RS1: variants seen among roughly 807,000 people sequenced by gnomAD.
The protein encoded by RS1 is retinoschisin 1.
RS1 carries 2 observed loss-of-function variants against 20.8 expected under a neutral mutation model. The observed-to-expected ratio is 0.10, with a 90% confidence interval of 0.04 to 0.30. The LOEUF is 0.30. Among genes scored for constraint, RS1 ranks in the 10% least tolerant of loss-of-function variants. RS1 has a pLI of 1.00. For missense variants in RS1, 151 were observed against 189.8 expected (o/e 0.80, Z 1.20); for synonymous variants, 70 against 75.8 (o/e 0.92, Z 0.40).
At chrX:18,666,592 T>C (rs1047341291) in intron 1 of RS1, among the ~76,000 whole-genome samples, 3 of 111,449 alleles carry the variant, frequency 2.7e-5, no homozygotes, top group Non-Finnish European at 5.7e-5. Context: ...TTTCAAAGGC[T>C]CCCTCTGGTA....
chrX:18,658,450 T>C (rs1013144670), intron 1 of RS1, among the ~76,000 whole-genome samples: 11 of 110,905 alleles, frequency 9.9e-5, no homozygotes, highest in East Asian at 2.8e-4. Context: ...TCTGTGTTTT[T>C]TTTCTTTCTT....
At chrX:18,661,454 G>C (rs1382667025) in intron 1 of RS1, among the ~76,000 whole-genome samples, 1 of 111,782 alleles carries the variant, frequency 8.9e-6, no homozygotes, top group Non-Finnish European at 1.9e-5. Flanking sequence ...TTAGTTTGCC[G>C]TCTGTAGGCG....
At chrX:18,666,175 G>A (rs1302975645) in intron 1 of RS1, among the ~76,000 whole-genome samples, 1 of 111,133 alleles carries the variant, frequency 9.0e-6, no homozygotes, top group African/African-American at 3.3e-5. Context: ...GGAGTGGGTG[G>A]GGAGAATACA....
chrX:18,657,608 A>G (rs1449943805), intron 2 of RS1, 32 bp downstream of exon 2: 2 of 1,138,640 alleles, frequency 1.8e-6, no homozygotes, highest in East Asian at 3.0e-5. Context: ...AGTACTATGC[A>G]TGTACATTAC....
chrX:18,661,775 C>A, intron 1 of RS1, among the ~76,000 whole-genome samples: 1 of 112,084 alleles, frequency 8.9e-6, no homozygotes, highest in East Asian at 2.8e-4. Context: ...GCTCTTCCGC[C>A]GGCGCACTCC....
chrX:18,647,164 G>A (rs761278303), intron 4 of RS1, 27 bp downstream of exon 4: 1 of 1,204,690 alleles, frequency 8.3e-7, no homozygotes, highest in African/African-American at 1.8e-5. Flanking sequence ...AAAAGCACAT[G>A]AAAAAAAATC....
chrX:18,658,955 C>A (rs1243410677), intron 1 of RS1, among the ~76,000 whole-genome samples: 1 of 111,263 alleles, frequency 9.0e-6, no homozygotes, highest in Non-Finnish European at 1.9e-5. Context: ...AAATATCAAA[C>A]CACAATCAAA....
intron 3 of RS1, among the ~76,000 whole-genome samples, chrX:18,653,040 G>C (rs969170728): frequency 1.1e-4 from 12 of 112,415 alleles, no homozygotes; most frequent in African/African-American, 3.9e-4. Context: ...ATAGTGTTAT[G>C]CATAGATATT....
chrX:18,662,721 G>A (rs1602322312), intron 1 of RS1, among the ~76,000 whole-genome samples: 3 of 106,597 alleles, frequency 2.8e-5, no homozygotes, highest in Middle Eastern at 4.7e-3. Context: ...TCCGCCTCCC[G>A]GGTTCACACC....
chrX:18,640,965 G>A lies in RS1; in HGVS notation c.*1039C>T, dbSNP rs1927553257. ...CCCAGAGAGCTTTTCAGGAGCAGGC[G>A]CAGTTTGCGTATTGCAAGGCAGAGG... On this transcript the variant is annotated 3_prime_UTR_variant, in exon 6 of 6. Coordinates refer to ENST00000379984, the MANE Select transcript of RS1 (RefSeq NM_000330.4). 1 of 112,841 alleles carries A rather than the reference G, an allele frequency of 8.9e-6. No homozygotes were observed. Among genetic ancestry groups the A allele is most frequent in the South Asian group, 3.6e-4 (1 of 2,747 alleles). The allele number at this position is 112,841 out of a possible 1,213,427, so 9.3% of individuals were successfully genotyped here.
intron 1 of RS1, among the ~76,000 whole-genome samples, chrX:18,670,097 C>T (rs2147208889): frequency 9.0e-6 from 1 of 111,245 alleles, no homozygotes; most frequent in African/African-American, 3.3e-5. Flanking sequence ...CTGGGCAGGT[C>T]TAATTTTAAA....
intron 5 of RS1, among the ~76,000 whole-genome samples, chrX:18,643,048 A>G (rs1255705587): frequency 1.8e-5 from 2 of 111,868 alleles, no homozygotes; most frequent in Non-Finnish European, 3.8e-5. Flanking sequence ...CCATCTCAAA[A>G]CAAAACAAAA....
chrX:18,669,004 A>G (rs925743915), intron 1 of RS1, among the ~76,000 whole-genome samples: 4 of 112,402 alleles, frequency 3.6e-5, no homozygotes, highest in African/African-American at 1.3e-4. Context: ...ACTGCTTTAA[A>G]AAAACCCCTG....
intron 1 of RS1, among the ~76,000 whole-genome samples, chrX:18,663,363 A>T (rs1759549650): frequency 3.3e-4 from 10 of 30,101 alleles, no homozygotes; most frequent in African/African-American, 5.1e-4. Flanking sequence ...TTTTTTTTTG[A>T]GACAGGGTCT....
At chrX:18,649,678 C>A (rs1056818605) in intron 3 of RS1, among the ~76,000 whole-genome samples, 1 of 111,951 alleles carries the variant, frequency 8.9e-6, no homozygotes, top group African/African-American at 3.2e-5. Flanking sequence ...CACCCCAGAG[C>A]AATTGCATTT....
chrX:18,664,299 G>T (rs1230327465), intron 1 of RS1, among the ~76,000 whole-genome samples: 1 of 112,477 alleles, frequency 8.9e-6, no homozygotes, highest in African/African-American at 3.2e-5. Context: ...GAAGTCCAAT[G>T]CTGAAGCAGA....
At chrX:18,644,948 G>A (rs1927719445) in intron 4 of RS1, among the ~76,000 whole-genome samples, 1 of 112,479 alleles carries the variant, frequency 8.9e-6, no homozygotes, top group Admixed American at 9.4e-5. Flanking sequence ...AAACACGCAG[G>A]TGCATGGCTG....
chrX:18,644,319 C>T lies in RS1; in HGVS notation c.522+111G>A, dbSNP rs188183812. 59 of 674,100 alleles carry T rather than the reference C, an allele frequency of 8.8e-5. No homozygotes were observed. The East Asian group carries it at 1.9e-3, about 22-fold the overall frequency. 55.6% of individuals were successfully genotyped at this position (674,100 alleles called of 1,213,427 possible). A position where few individuals can be genotyped will look rare whatever the true frequency, so the allele number is the denominator to read the frequency against. ...TGTGGGGGAAAGCGCAGATGATCCA[C>T]TGTGCTGTGGAGTCGGTGCTCTGAC... On this transcript the variant is annotated intron_variant, in intron 5 of 5. Transcript: ENST00000379984.
intron 3 of RS1, among the ~76,000 whole-genome samples, chrX:18,649,852 G>C (rs749130023): frequency 8.9e-6 from 1 of 112,206 alleles, no homozygotes; most frequent in Non-Finnish European, 1.9e-5. Context: ...CGAGCGATCA[G>C]GGGGAGGGGC....
Sources: allele counts gnomAD v4.1 joint callset (sites outside exome capture counted in the v4.1 genomes callset), GRCh38; gene constraint gnomAD v4.1.1; transcripts MANE v1.5; gene names NCBI Gene and HGNC (gene_info 2026-07-23, HGNC 2026-07-21).